Variants in PHLDB1 observed in about 807,000 individuals in gnomAD.
PHLDB1 encodes the protein pleckstrin homology-like domain family B member 1.
PHLDB1 carries 65 observed loss-of-function variants against 139.3 expected under a neutral mutation model. The observed-to-expected ratio is 0.47, with a 90% CI of 0.38 to 0.57. PHLDB1 has a LOEUF of 0.57. Among genes scored for constraint, PHLDB1 ranks in the 20% least tolerant of loss-of-function variants. The pLI is 0.00. For missense variants in PHLDB1, 1,624 were observed against 1,839.7 expected (o/e 0.88, Z 2.14); for synonymous variants, 679 against 734.5 (o/e 0.92, Z 1.22).
At position 118,616,449 on chromosome 11, in the gene PHLDB1, T is replaced by C. The variant is rs530585325; in HGVS notation, c.355+238T>C. ...ACCCCCAACCTGTCTCCACATACTATGGGGAGAGAAGAGGTTCTGATTCCC... is the reference window on the plus strand; with the variant it reads ...ACCCCCAACCTGTCTCCACATACTACGGGGAGAGAAGAGGTTCTGATTCCC... On this transcript the variant is annotated intron_variant, in intron 4 of 22. Transcript: ENST00000600882. 9.2e-5 allele frequency among the ~76,000 whole-genome samples: 14 copies of C among 152,238 alleles called. No individual in the cohort carries two copies. In the East Asian group the frequency reaches 2.3e-3, roughly 25 times the overall value.
intron 20 of PHLDB1, chr11:118,651,839 T>C (rs1471054506): frequency 6.6e-6 from 1 of 152,076 alleles, no homozygotes; most frequent in Non-Finnish European, 1.5e-5. Context: ...GGCTTCCTTA[T>C]GCCCAATACA....
At position 118,655,901 on chromosome 11, in the gene PHLDB1, C is replaced by T. The variant is rs1555141508; in HGVS notation, c.3993+9C>T. On this transcript the variant is annotated intron_variant, in intron 22 of 22. Coordinates refer to ENST00000600882, the MANE Select transcript of PHLDB1 (RefSeq NM_001144758.3). ...TCACTATGGTGACTGAGGTACCCCT[C>T]CCCACTTAGCTGTAACCAGCACATT... 1 of 1,604,488 alleles carries T rather than the reference C, an allele frequency of 6.2e-7. No individual in the cohort carries two copies. Among genetic ancestry groups the T allele is most frequent in the Non-Finnish European group, 8.5e-7 (1 of 1,171,322 alleles).
chr11:118,635,071 C>A (rs368451830), intron 9 of PHLDB1: 29 of 509,494 alleles, frequency 5.7e-5, no homozygotes, highest in Admixed American at 2.0e-4. Context: ...ACCGCCCCCC[C>A]TCCCCCGGCC....
At position 118,610,991 on chromosome 11, in the gene PHLDB1, A is replaced by G. The variant is rs574509915; in HGVS notation, c.-21-2825A>G. On this transcript the variant is annotated intron_variant, in intron 1 of 22. Coordinates refer to ENST00000600882, the MANE Select transcript of PHLDB1 (RefSeq NM_001144758.3). This position sits in a 1 kb window ranked among gnomAD's most constrained non-coding sequence, Gnocchi z 8.7. ...GCACCCAGGGCCGGACGCGCACCGC[A>G]GGGGTCTTTTTTTGGCCGCGGGGCC... Among the ~76,000 whole-genome samples the G allele has an allele frequency of 8.7e-5, 13 of 149,658 alleles. No homozygotes were observed. In the East Asian group the frequency reaches 2.5e-3, roughly 29 times the overall value.
In PHLDB1 at chr11:118,644,638, C is replaced by A. The variant is rs868984783; in HGVS notation, c.3121+464C>A. On this transcript the variant is annotated intron_variant, in intron 15 of 22. Coordinates refer to ENST00000600882, the MANE Select transcript of PHLDB1 (RefSeq NM_001144758.3). ...TACCGTACCCTCTGCCTGGGGTCCCCCACGCCAGTCGAGTCGCTTCCCGCC... is the reference window on the plus strand; with the variant it reads ...TACCGTACCCTCTGCCTGGGGTCCCACACGCCAGTCGAGTCGCTTCCCGCC... 2.3e-6 allele frequency: 3 copies of A among 1,287,920 alleles called. No homozygotes were observed. In the Middle Eastern group the frequency reaches 6.4e-4, roughly 275 times the overall value. The allele number at this position is 1,287,920 out of a possible 1,614,324, so 79.8% of individuals were successfully genotyped here. A position where few individuals can be genotyped will look rare whatever the true frequency, so the allele number is the denominator to read the frequency against.
chr11:118,647,691 A>G, intron 17 of PHLDB1: 1 of 412,062 alleles, frequency 2.4e-6, no homozygotes, highest in African/African-American at 2.0e-5. Flanking sequence ...AAATGATTTT[A>G]TCAGGATCAC....
In PHLDB1 at chr11:118,656,721, T is replaced by C; in HGVS notation, c.4032T>C (p.His1344=). ...NPALTFCVKT[H]DRLYYMVAPS... ...CCCTCACCTTCTGCGTAAAGACCCA[T>C]GACCGGCTGTACTACATGGTGGCCC... is the stretch of plus-strand genomic sequence containing the variant. The change falls in exon 23 of 23, where the codon CAT becomes CAC. Residue 1344 remains histidine, a synonymous_variant. Transcript: ENST00000600882. 6.2e-7 allele frequency: 1 copy of C among 1,614,036 alleles called. No individual in the cohort carries two copies. The highest frequency in any genetic ancestry group is 2.2e-5 in the East Asian group (1 of 44,882).
At chr11:118,644,468 G>A (rs1028802499) in intron 15 of PHLDB1, 10 of 470,472 alleles carry the variant, frequency 2.1e-5, no homozygotes, top group African/African-American at 4.0e-5. Flanking sequence ...TCTCTGGAGG[G>A]AGGGGATGGA....
intron 12 of PHLDB1, chr11:118,640,204 A>C (rs1208104665): frequency 6.5e-6 from 1 of 153,366 alleles, no homozygotes; most frequent in Non-Finnish European, 1.4e-5. Flanking sequence ...TGAATTGCAT[A>C]TTTATTTGCC....
In PHLDB1 at chr11:118,613,871, G is replaced by A; in HGVS notation, c.35G>A (p.Gly12Glu). 1 of 1,611,586 alleles carries A rather than the reference G, an allele frequency of 6.2e-7. No homozygotes were observed. Among genetic ancestry groups the A allele is most frequent in the Non-Finnish European group, 8.5e-7 (1 of 1,178,012 alleles). Reference protein sequence around the residue: ...DALNRNQIGPGCQTQTMVQKG... With the variant: ...DALNRNQIGPECQTQTMVQKG... ...CTCAATAGGAACCAAATAGGCCCTG[G>A]ATGCCAGACCCAGACCATGGTGCAG... The change falls in exon 2 of 23, where the codon GGA becomes GAA. Residue 12 changes from glycine (G) to glutamate (E), a missense_variant. By Grantham distance (98) the Gly-to-Glu change is moderately conservative (BLOSUM62 -2). Transcript: ENST00000600882.
Position 118,611,483 on chromosome 11 carries a change from G to C in PHLDB1, c.-21-2333G>C, listed in dbSNP as rs1565383762. On this transcript the variant is annotated intron_variant, in intron 1 of 22. Coordinates refer to ENST00000600882, the MANE Select transcript of PHLDB1 (RefSeq NM_001144758.3). This position sits in a 1 kb window ranked among gnomAD's most constrained non-coding sequence, Gnocchi z 4.7. ...CACAGCTGCCCCACACGGCGATAGT[G>C]ACCAATACTCCAATATGACAGATAA... is the stretch of plus-strand genomic sequence containing the variant. Among the ~76,000 whole-genome samples, 3 of 152,174 alleles carry C rather than the reference G, an allele frequency of 2.0e-5. No homozygotes were observed. Among genetic ancestry groups the C allele is most frequent in the African/African-American group, 7.2e-5 (3 of 41,440 alleles).
rs1003285203 is a variant in PHLDB1, at chr11:118,607,969, C to G, written c.-22+270C>G. The stretch of plus-strand genomic sequence containing the variant: ...CAGAGGGGGCCGTGACGCTCTCCCC[C>G]CCTTGGAGAAACTCTGATCCTGGCC... On this transcript the variant is annotated intron_variant, in intron 1 of 22. Coordinates refer to ENST00000600882, the MANE Select transcript of PHLDB1 (RefSeq NM_001144758.3). Among the ~76,000 whole-genome samples the G allele has an allele frequency of 3.1e-4, 47 of 152,194 alleles. No homozygotes were observed. In the South Asian group the frequency reaches 5.6e-3, roughly 18 times the overall value.
chr11:118,642,464 C>T, intron 13 of PHLDB1, 70 bp downstream of exon 13: 1 of 1,516,128 alleles, frequency 6.6e-7, no homozygotes. Context: ...CCTGCCAATC[C>T]ATCAGCCACA....
At chr11:118,607,415 A>G (rs565386445), upstream of PHLDB1, among the ~76,000 whole-genome samples, 4 of 142,814 alleles carry the variant, frequency 2.8e-5, no homozygotes, top group African/African-American at 1.0e-4. Context: ...GCAAAGATGA[A>G]CAAAGCGGGC....
chr11:118,641,744 T>C (rs1555120879), intron 12 of PHLDB1: 1 of 1,289,996 alleles, frequency 7.8e-7, no homozygotes. Flanking sequence ...CCTCCCATGC[T>C]GCCCTCCTCC....
Position 118,645,177 on chromosome 11 carries a change from A to C in PHLDB1, c.3122-179A>C. 2.0e-6 allele frequency: 1 copy of C among 506,414 alleles called. No individual in the cohort carries two copies. The highest frequency in any genetic ancestry group is 3.4e-6 in the Non-Finnish European group (1 of 291,592). The allele number at this position is 506,414 out of a possible 1,614,324, so 31.4% of individuals were successfully genotyped here. A position where few individuals can be genotyped will look rare whatever the true frequency, so the allele number is the denominator to read the frequency against. ...TGTGGCCGGTTGTGCAGGCGACTGA[A>C]GCATTGGCAGAGCAGCCAGGCCTGG... On this transcript the variant is annotated intron_variant, in intron 15 of 22. Coordinates refer to ENST00000600882, the MANE Select transcript of PHLDB1 (RefSeq NM_001144758.3). The surrounding 1 kb of genome is among the most constrained non-coding windows in gnomAD (Gnocchi z 5.1).
Position 118,639,189 on chromosome 11 carries a change from A to G in PHLDB1, c.2674A>G (p.Arg892Gly), listed in dbSNP as rs782782720. 3.7e-5 allele frequency: 59 copies of G among 1,614,054 alleles called. No individual in the cohort carries two copies. The highest frequency in any genetic ancestry group is 4.8e-5 in the Non-Finnish European group (57 of 1,180,004). ...GAAGGAGAAGCTGACTGTGCTGGAAAGGAGATACCACTCACTCACAGGGGG... is the reference window on the plus strand; with the variant it reads ...GAAGGAGAAGCTGACTGTGCTGGAAGGGAGATACCACTCACTCACAGGGGG... ...KEKEKLTVLE[R>G]RYHSLTGGRP... The change falls in exon 12 of 23, where the codon AGG (arginine) becomes GGG (glycine). Residue 892 changes from arginine to glycine, a missense_variant. Arg to Gly is a moderately radical substitution (Grantham distance 125). Transcript: ENST00000600882.
At chr11:118,643,651 G>C in intron 13 of PHLDB1, 149 bp from the exon 14 acceptor site, 7 of 1,533,578 alleles carry the variant, frequency 4.6e-6, no homozygotes, top group Non-Finnish European at 6.1e-6. Context: ...TCTGGCCATT[G>C]GGCTGGCTCA....
Position 118,627,928 on chromosome 11 carries a change from T to C in PHLDB1, c.1105T>C (p.Ser369Pro). 6.2e-7 allele frequency: 1 copy of C among 1,612,872 alleles called. No individual in the cohort carries two copies. Reference sequence around the variant, plus strand: ...CATCAGCCTGAGTGAATACCCAGCTTCTGGTGCTCTCAGTCAACCCACCAG... The same window carrying C: ...CATCAGCCTGAGTGAATACCCAGCTCCTGGTGCTCTCAGTCAACCCACCAG... The part of the protein sequence containing the change: ...VAISLSEYPA[S>P]GALSQPTSIP... Residue 369 changes from serine to proline, a missense_variant, in exon 6 of 23, where the codon TCT becomes CCT. Coordinates refer to ENST00000600882, the MANE Select transcript of PHLDB1 (RefSeq NM_001144758.3).
Sources: allele counts gnomAD v4.1 joint callset (sites outside exome capture counted in the v4.1 genomes callset), GRCh38; gene constraint gnomAD v4.1.1; non-coding constraint Gnocchi (gnomAD v3.1); transcripts MANE v1.5; gene names NCBI Gene and HGNC (gene_info 2026-07-23, HGNC 2026-07-21).